Variants in CNTN5 observed in about 807,000 individuals in gnomAD.
CNTN5 encodes the protein contactin-5.
CNTN5 carries 77 observed loss-of-function variants against 129.1 expected under a neutral mutation model. That is an observed-to-expected ratio of 0.60 (90% CI 0.50 to 0.72). The LOEUF (loss-of-function observed/expected upper bound fraction) is 0.72, where lower values mean the gene tolerates loss of function less well. Among genes scored for constraint, CNTN5 ranks in the 30% least tolerant of loss-of-function variants. The probability of loss-of-function intolerance (pLI) is 0.00; values close to 1 mark genes in which losing one functional copy is unlikely to be tolerated. For synonymous variants in CNTN5, 509 were observed against 465.6 expected, an observed-to-expected ratio of 1.09 and a Z score of -1.20; for missense variants, 1,478 against 1,328.8, an observed-to-expected ratio of 1.11 and a Z score of -1.75.
chr11:100,057,434 A>G (rs1943282413), intron 9 of CNTN5, among the ~76,000 whole-genome samples: 1 of 151,648 alleles, frequency 6.6e-6, no homozygotes, highest in African/African-American at 2.4e-5. Context: ...TGCTTACAAT[A>G]TGCCATGTAT....
At chr11:100,169,044 G>GCAATCT (rs1240800179) in intron 13 of CNTN5, among the ~76,000 whole-genome samples, 2 of 152,028 alleles carry the variant, frequency 1.3e-5, no homozygotes, top group African/African-American at 4.8e-5. Context: ...CTGAATTCCT[G>GCAATCT]CAATCTCATG....
At chr11:100,123,575 C>G (rs1212714462) in intron 13 of CNTN5, among the ~76,000 whole-genome samples, 2 of 151,806 alleles carry the variant, frequency 1.3e-5, no homozygotes, top group Non-Finnish European at 2.9e-5. Context: ...TTTATTGAAC[C>G]ATTAATCAGT....
At chr11:100,279,909 T>A (rs1297692036) in intron 18 of CNTN5, among the ~76,000 whole-genome samples, 2 of 84,090 alleles carry the variant, frequency 2.4e-5, no homozygotes, top group Non-Finnish European at 5.2e-5. Flanking sequence ...TTTTTCTTTT[T>A]CTTTTTTTTT....
chr11:99,489,401 C>T (rs1349533003), intron 2 of CNTN5, among the ~76,000 whole-genome samples: 3 of 152,174 alleles, frequency 2.0e-5, no homozygotes, highest in Admixed American at 1.3e-4. Context: ...TATGATTCCC[C>T]TAAAGATTTA....
intron 3 of CNTN5, among the ~76,000 whole-genome samples, chr11:99,616,807 C>T (rs1304869757): frequency 1.3e-5 from 2 of 152,050 alleles, no homozygotes; most frequent in East Asian, 3.9e-4. Context: ...AAGCATAGGT[C>T]CTTTAAAAAA....
intron 8 of CNTN5, among the ~76,000 whole-genome samples, chr11:99,962,024 A>G (rs1950960666): frequency 6.6e-6 from 1 of 152,176 alleles, no homozygotes; most frequent in Admixed American, 6.5e-5. Flanking sequence ...ATGCAATTCT[A>G]AGTTAATAGT....
chr11:99,763,699 AGCT>A (rs1944661045), intron 3 of CNTN5, among the ~76,000 whole-genome samples: 1 of 152,106 alleles, frequency 6.6e-6, no homozygotes, highest in African/African-American at 2.4e-5. Flanking sequence ...TAATTTAAGC[AGCT>A]GCTTACAAAA....
chr11:99,996,287 T>A (rs1274317865), intron 8 of CNTN5, among the ~76,000 whole-genome samples: 1 of 152,172 alleles, frequency 6.6e-6, no homozygotes, highest in Non-Finnish European at 1.5e-5. Flanking sequence ...TGTCATTGAT[T>A]TATTTGTCTC....
At chr11:99,381,250 G>C (rs936032954) in intron 2 of CNTN5, among the ~76,000 whole-genome samples, 1 of 152,188 alleles carries the variant, frequency 6.6e-6, no homozygotes, top group African/African-American at 2.4e-5. Context: ...GGATCATTAG[G>C]TGAGGGAATG....
intron 3 of CNTN5, among the ~76,000 whole-genome samples, chr11:99,610,016 T>A (rs1159750931): frequency 6.6e-6 from 1 of 152,144 alleles, no homozygotes; most frequent in Non-Finnish European, 1.5e-5. Context: ...TAAATTGCAC[T>A]GTTAATCCTT....
chr11:99,519,921 G>A (rs1325679776), intron 2 of CNTN5, among the ~76,000 whole-genome samples: 1 of 151,974 alleles, frequency 6.6e-6, no homozygotes, highest in African/African-American at 2.4e-5. Context: ...GACTTTAAGT[G>A]GATAGTCAAT....
At chr11:99,079,895 A>T (rs555960248) in intron 1 of CNTN5, among the ~76,000 whole-genome samples, 3 of 152,300 alleles carry the variant, frequency 2.0e-5, no homozygotes, top group Non-Finnish European at 2.9e-5. Context: ...CTTCTTGCAC[A>T]TGCCTGCATG....
At chr11:100,333,239 C>T (rs1951945063) in intron 21 of CNTN5, among the ~76,000 whole-genome samples, 1 of 151,326 alleles carries the variant, frequency 6.6e-6, no homozygotes, top group South Asian at 2.1e-4. Flanking sequence ...ATGTGGAAGA[C>T]CTCTACAACA....
At chr11:99,203,709 G>A (rs1300560973) in intron 1 of CNTN5, among the ~76,000 whole-genome samples, 9 of 151,900 alleles carry the variant, frequency 5.9e-5, no homozygotes, top group Non-Finnish European at 1.2e-4. Context: ...CTCCTATCAA[G>A]TGATAGGCCT....
chr11:99,576,477 T>G (rs1949354997), intron 3 of CNTN5, among the ~76,000 whole-genome samples: 1 of 152,202 alleles, frequency 6.6e-6, no homozygotes, highest in Non-Finnish European at 1.5e-5. Flanking sequence ...TTGATGTTTT[T>G]CTTTCAGTAA....
At chr11:99,708,127 A>C (rs566857872) in intron 3 of CNTN5, among the ~76,000 whole-genome samples, 44 of 151,830 alleles carry the variant, frequency 2.9e-4, no homozygotes, top group African/African-American at 8.9e-4. Flanking sequence ...GACCTAGACC[A>C]CTATTCTTGA....
intron 7 of CNTN5, among the ~76,000 whole-genome samples, chr11:99,955,440 C>G (rs10791066): frequency 0.84 from 127,466 of 152,094 alleles, 53,512 homozygotes; most frequent in South Asian, 0.89. Flanking sequence ...GTAAAAAACA[C>G]TTTTCTTTAT....
At chr11:99,090,525 G>C (rs1011591278) in intron 1 of CNTN5, among the ~76,000 whole-genome samples, 2 of 151,944 alleles carry the variant, frequency 1.3e-5, no homozygotes, top group African/African-American at 4.8e-5. Context: ...ATGTGATAAA[G>C]ACAGCTAAAT....
intron 2 of CNTN5, among the ~76,000 whole-genome samples, chr11:99,457,368 G>A (rs1209955309): frequency 6.6e-6 from 1 of 151,786 alleles, no homozygotes; most frequent in East Asian, 1.9e-4. Flanking sequence ...AATAATACAA[G>A]TAGTAGCTGT....
Sources: gnomAD v4.1 joint callset for allele counts (sites outside exome capture counted in the v4.1 genomes callset) on GRCh38, gnomAD v4.1.1 for gene constraint, MANE v1.5 for transcripts, NCBI Gene and HGNC (gene_info 2026-07-23, HGNC 2026-07-21) for gene names.